The following SPIDR variants were observed in gnomAD, a reference collection of about 807,000 sequenced individuals.
SPIDR encodes scaffold protein involved in DNA repair.
Under a neutral mutation model 104.6 loss-of-function variants are expected in SPIDR, and 93 were observed. The observed-to-expected ratio is 0.89, with a 90% CI of 0.75 to 1.06. SPIDR has a LOEUF of 1.06. SPIDR is among the 50% of genes least tolerant of loss of function. The pLI, the probability that SPIDR is intolerant of heterozygous loss-of-function variation, is 0.00. For missense variants in SPIDR, 1,154 were observed against 1,111.2 expected (o/e 1.04, Z -0.55); for synonymous variants, 431 against 416.9 (o/e 1.03, Z -0.41).
At chr8:47,552,783 A>G (rs898053840) in intron 8 of SPIDR, among the ~76,000 whole-genome samples, 1 of 152,108 alleles carries the variant, frequency 6.6e-6, no homozygotes, top group African/African-American at 2.4e-5. Flanking sequence ...ATTGTTATGT[A>G]TGAATTTGGT....
intron 9 of SPIDR, 86 bp from the exon 10 acceptor site, chr8:47,598,857 CATT>C: frequency 6.5e-7 from 1 of 1,526,848 alleles, no homozygotes; most frequent in Admixed American, 1.8e-5. Context: ...TTAAGGATGT[CATT>C]ATTTGGTGTG....
chr8:47,396,423 A>T lies in SPIDR; in HGVS notation c.573A>T (p.Glu191Asp), dbSNP rs2061256212. ...ILEYSSDSEKEDDLENVLLID... is the reference protein window; with the variant it reads ...ILEYSSDSEKDDDLENVLLID... Reference sequence around the variant, plus strand: ...AGTATTCATCAGATAGTGAAAAAGAAGATGATTTGGAAAATGTCCTACTCA... The same window carrying T: ...AGTATTCATCAGATAGTGAAAAAGATGATGATTTGGAAAATGTCCTACTCA... Residue 191 changes from glutamate to aspartate, a missense_variant, in exon 6 of 20, where the codon GAA (glutamate) becomes GAT (aspartate). Physicochemically the swap from Glu to Asp is conservative, Grantham distance 45. Transcript: ENST00000297423. The T allele has an allele frequency of 6.2e-7, 1 of 1,613,122 alleles. No homozygotes were observed.
Position 47,293,939 on chromosome 8 carries a change from A to G in SPIDR, c.434A>G (p.Asp145Gly). 6.2e-7 allele frequency: 1 copy of G among 1,614,162 alleles called. No individual in the cohort carries two copies. ...AEASDCDEFEDDEGAVEISDC... is the reference protein window; with the variant it reads ...AEASDCDEFEGDEGAVEISDC... Reference sequence around the variant, plus strand: ...GCTAGTGACTGTGATGAATTTGAAGATGACGAGGGTGCTGTGGAAATCTCA... The same window carrying G: ...GCTAGTGACTGTGATGAATTTGAAGGTGACGAGGGTGCTGTGGAAATCTCA... The change falls in exon 5 of 20, where the codon GAT becomes GGT. Residue 145 changes from aspartate (D) to glycine (G), a missense_variant. Physicochemically the swap from Asp to Gly is moderately conservative, Grantham distance 94. Transcript: ENST00000297423.
At chr8:47,294,504 A>G (rs1249617776) in intron 5 of SPIDR, 1 of 154,406 alleles carries the variant, frequency 6.5e-6, no homozygotes, top group Non-Finnish European at 1.4e-5. Flanking sequence ...CAGGGTTTGT[A>G]TTAGGGGCTA....
chr8:47,263,995 T>G (rs745986293), intron 1 of SPIDR, among the ~76,000 whole-genome samples: 1 of 152,234 alleles, frequency 6.6e-6, no homozygotes, highest in Non-Finnish European at 1.5e-5. Flanking sequence ...GTACTAGATA[T>G]CTGATGAATT....
chr8:47,708,063 G>T (rs1018932864), intron 14 of SPIDR, among the ~76,000 whole-genome samples: 11 of 152,222 alleles, frequency 7.2e-5, no homozygotes, highest in African/African-American at 2.7e-4. Context: ...ACTTTGGGAG[G>T]CCGAGGCAGG....
chr8:47,476,850 C>T (rs2076347505), intron 8 of SPIDR, among the ~76,000 whole-genome samples: 1 of 152,216 alleles, frequency 6.6e-6, no homozygotes, highest in African/African-American at 2.4e-5. Context: ...TGCCCAAAAA[C>T]AGATCTGTTA....
rs1025514898 is a variant in SPIDR at position 47,280,016 on chromosome 8, C to A, written c.188C>A (p.Pro63Gln). Residue 63 changes from proline to glutamine, a missense_variant and splice_region_variant, in exon 2 of 20, where the codon CCG (proline) becomes CAG (glutamine). Coordinates refer to ENST00000297423, the MANE Select transcript of SPIDR (RefSeq NM_001080394.4). ...GGGTTTCAGAACACTTCTGGGAATC[C>A]GGTAAAGTATCTGTAGAATTGTTTT... ...GEGFQNTSGNPSLTAEEKTIT... is the reference protein window; with the variant it reads ...GEGFQNTSGNQSLTAEEKTIT... The A allele has an allele frequency of 6.2e-7, 1 of 1,612,786 alleles. No individual in the cohort carries two copies. The highest frequency in any genetic ancestry group is 8.5e-7 in the Non-Finnish European group (1 of 1,179,432).
intron 8 of SPIDR, among the ~76,000 whole-genome samples, chr8:47,518,697 CGCAATCTCGGCTCACT>C (rs1421937830): frequency 6.6e-6 from 1 of 150,736 alleles, no homozygotes; most frequent in Non-Finnish European, 1.5e-5. Context: ...AATGCAGTGG[CGCAATCTCGGCTCACT>C]GCAAGCTCTG....
chr8:47,713,286 A>G lies in SPIDR; in HGVS notation c.2189-203A>G, dbSNP rs1041068233. 3.0e-5 allele frequency: 21 copies of G among 693,294 alleles called. No individual in the cohort carries two copies. In the East Asian group the frequency reaches 5.3e-4, roughly 18 times the overall value. 42.9% of individuals were successfully genotyped at this position (693,294 alleles called of 1,614,324 possible). A position where few individuals can be genotyped will look rare whatever the true frequency, so the allele number is the denominator to read the frequency against. On this transcript the variant is annotated intron_variant, in intron 15 of 19. Transcript: ENST00000297423. ...CACATAATTTACCCTGTGTGGATTGACTTGAATCTCACATTTGAGTGCTTT... is the reference window on the plus strand; with the variant it reads ...CACATAATTTACCCTGTGTGGATTGGCTTGAATCTCACATTTGAGTGCTTT...
intron 5 of SPIDR, among the ~76,000 whole-genome samples, chr8:47,351,420 GATTTACCAC>G (rs2053491134): frequency 6.6e-6 from 1 of 152,128 alleles, no homozygotes; most frequent in Admixed American, 6.5e-5. Context: ...GACCGAGTGG[GATTTACCAC>G]ATTTAAAGTA....
chr8:47,615,015 C>G (rs2064106812), intron 10 of SPIDR, among the ~76,000 whole-genome samples: 1 of 151,990 alleles, frequency 6.6e-6, no homozygotes, highest in Admixed American at 6.6e-5. Context: ...TTCCTCCCAT[C>G]CTGTAGGTTG....
intron 5 of SPIDR, among the ~76,000 whole-genome samples, chr8:47,356,330 A>G (rs1261280281): frequency 6.6e-6 from 1 of 152,230 alleles, no homozygotes; most frequent in African/African-American, 2.4e-5. Context: ...TTAAGGGATC[A>G]GAGTCGCTGT....
intron 14 of SPIDR, among the ~76,000 whole-genome samples, chr8:47,711,682 A>T (rs749866952): frequency 6.6e-6 from 1 of 151,950 alleles, no homozygotes; most frequent in African/African-American, 2.4e-5. Flanking sequence ...CTATATTTCT[A>T]TCTATCTAAA....
At chr8:47,660,655 AC>A in intron 10 of SPIDR, 1 of 359,888 alleles carries the variant, frequency 2.8e-6, no homozygotes. Flanking sequence ...GTATTGCTTT[AC>A]CCACAGTGGA....
At chr8:47,283,927 G>A in intron 2 of SPIDR, 101 bp from the exon 3 acceptor site, 1 of 777,384 alleles carries the variant, frequency 1.3e-6, no homozygotes, top group East Asian at 2.5e-5. Flanking sequence ...AATCAGAGAA[G>A]AATATGTTAA....
intron 5 of SPIDR, chr8:47,294,302 A>T: frequency 3.0e-6 from 1 of 331,002 alleles, no homozygotes; most frequent in Non-Finnish European, 5.4e-6. Flanking sequence ...TCCAGTGCAG[A>T]TATATCAAAG....
At chr8:47,695,641 G>T (rs1163513665) in intron 11 of SPIDR, among the ~76,000 whole-genome samples, 1 of 152,214 alleles carries the variant, frequency 6.6e-6, no homozygotes, top group Non-Finnish European at 1.5e-5. Flanking sequence ...AAGCAAGCTG[G>T]TAATATCAGC....
intron 5 of SPIDR, among the ~76,000 whole-genome samples, chr8:47,330,031 T>C (rs1017762038): frequency 6.6e-6 from 1 of 152,240 alleles, no homozygotes; most frequent in African/African-American, 2.4e-5. Flanking sequence ...GACACCCAGA[T>C]TTTTCATGTG....
Sources: allele counts gnomAD v4.1 joint callset (sites outside exome capture counted in the v4.1 genomes callset), GRCh38; gene constraint gnomAD v4.1.1; transcripts MANE v1.5; gene names NCBI Gene and HGNC (gene_info 2026-07-23, HGNC 2026-07-21).